The following HS2ST1 variants were observed in gnomAD, a reference collection of about 807,000 sequenced individuals.
HS2ST1 encodes 2-O-sulfotransferase.
A neutral mutation model predicts 42.9 loss-of-function variants in HS2ST1; 18 were observed. The ratio of observed to expected loss-of-function variants is 0.42; its 90% CI spans 0.29 to 0.62. The LOEUF is 0.62. Ranked by LOEUF, HS2ST1 falls within the 20% of genes least tolerant of loss-of-function variation. The pLI, the probability that HS2ST1 is intolerant of heterozygous loss-of-function variation, is 0.21. For missense variants in HS2ST1, 334 were observed against 433.8 expected (o/e 0.77, Z 2.04); for synonymous variants, 146 against 152.9 (o/e 0.95, Z 0.33).
intron 1 of HS2ST1, among the ~76,000 whole-genome samples, chr1:86,957,022 A>G (rs1647696116): frequency 6.6e-6 from 1 of 152,216 alleles, no homozygotes; most frequent in African/African-American, 2.4e-5. Context: ...AAGACCTGTC[A>G]TATTTTGTAC....
At chr1:87,035,898 G>A (rs929461920) in intron 1 of HS2ST1, among the ~76,000 whole-genome samples, 3 of 151,080 alleles carry the variant, frequency 2.0e-5, no homozygotes, top group Admixed American at 6.6e-5. Context: ...AAGTATACAC[G>A]TGCCATGGTG....
chr1:87,009,368 C>T (rs889795030), intron 1 of HS2ST1, among the ~76,000 whole-genome samples: 1 of 152,114 alleles, frequency 6.6e-6, no homozygotes, highest in African/African-American at 2.4e-5. Flanking sequence ...GAAGAGATTT[C>T]CAAGAAAATG....
Position 86,923,035 on chromosome 1 carries a change from G to A in HS2ST1, c.124+7875G>A, listed in dbSNP as rs114123454. Among the ~76,000 whole-genome samples the A allele has an allele frequency of 5.4e-3, 815 of 152,284 alleles. 10 individuals are homozygous for A. Among genetic ancestry groups the A allele is most frequent in the African/African-American group, 0.019 (773 of 41,550 alleles). On this transcript the variant is annotated intron_variant, in intron 1 of 6. Coordinates refer to ENST00000370550, the MANE Select transcript of HS2ST1 (RefSeq NM_012262.4). ...ATTCTCAGTCTTTTTGTGTGTGTGT[G>A]TGTTGTTTTAGATAGTTTTTACTGC... is the stretch of plus-strand genomic sequence containing the variant.
At chr1:87,078,011 T>G (rs1340535886) in intron 2 of HS2ST1, among the ~76,000 whole-genome samples, 1 of 152,204 alleles carries the variant, frequency 6.6e-6, no homozygotes, top group Non-Finnish European at 1.5e-5. Flanking sequence ...TGTAGAAAAC[T>G]TTCTCCCTGG....
At chr1:87,058,216 A>C (rs1257756590) in intron 1 of HS2ST1, among the ~76,000 whole-genome samples, 1 of 151,644 alleles carries the variant, frequency 6.6e-6, no homozygotes, top group Non-Finnish European at 1.5e-5. Flanking sequence ...TGCAACCTCT[A>C]TATGAGTATC....
At chr1:87,085,749 G>A (rs1651802946) in intron 3 of HS2ST1, among the ~76,000 whole-genome samples, 1 of 152,082 alleles carries the variant, frequency 6.6e-6, no homozygotes, top group Admixed American at 6.5e-5. Flanking sequence ...TCCACACACA[G>A]CTTGGTTTCT....
At chr1:86,999,330 C>T (rs576359557) in intron 1 of HS2ST1, among the ~76,000 whole-genome samples, 179 of 152,208 alleles carry the variant, frequency 1.2e-3, no homozygotes, top group African/African-American at 3.9e-3. Flanking sequence ...AGGCATGCAC[C>T]GCCATGCCCA....
intron 1 of HS2ST1, among the ~76,000 whole-genome samples, chr1:86,917,257 G>A (rs1288122454): frequency 6.6e-6 from 1 of 152,126 alleles, no homozygotes; most frequent in Non-Finnish European, 1.5e-5. Context: ...GGTGGCTCAC[G>A]CCTGTAATCC....
chr1:87,070,604 A>G (rs1245729923), intron 1 of HS2ST1, among the ~76,000 whole-genome samples: 1 of 152,132 alleles, frequency 6.6e-6, no homozygotes. Context: ...AAAAATAATA[A>G]TAATGTTCAT....
chr1:87,061,779 G>T (rs1651126970), intron 1 of HS2ST1, among the ~76,000 whole-genome samples: 1 of 151,998 alleles, frequency 6.6e-6, no homozygotes, highest in African/African-American at 2.4e-5. Context: ...GAGGTATTTG[G>T]TAATTCTGTT....
chr1:87,081,994 GA>G (rs11377056), intron 2 of HS2ST1, among the ~76,000 whole-genome samples: 7 of 145,392 alleles, frequency 4.8e-5, no homozygotes, highest in Non-Finnish European at 7.6e-5. Context: ...AGAAAAAAAA[GA>G]AAAAAAAAGA....
At chr1:87,042,181 T>C (rs983943548) in intron 1 of HS2ST1, among the ~76,000 whole-genome samples, 10 of 152,178 alleles carry the variant, frequency 6.6e-5, no homozygotes, top group Non-Finnish European at 1.3e-4. Context: ...TTTGGAGTTT[T>C]TTGCTATTGA....
intron 1 of HS2ST1, among the ~76,000 whole-genome samples, chr1:87,058,777 G>A (rs6684654): frequency 0.089 from 13,409 of 151,424 alleles, 1,859 homozygotes; most frequent in African/African-American, 0.27. Context: ...AACATGAACC[G>A]TTGGCTGGGT....
chr1:86,989,566 A>G (rs1648884150), intron 1 of HS2ST1, among the ~76,000 whole-genome samples: 1 of 152,196 alleles, frequency 6.6e-6, no homozygotes, highest in African/African-American at 2.4e-5. Context: ...CAAATTCAGG[A>G]GAACTTATTT....
chr1:87,063,651 T>C (rs937250317), intron 1 of HS2ST1, among the ~76,000 whole-genome samples: 1 of 152,164 alleles, frequency 6.6e-6, no homozygotes, highest in Non-Finnish European at 1.5e-5. Flanking sequence ...TTTTTTTGTA[T>C]CTTCATTTTC....
At chr1:87,090,581 A>G (rs1470746443) in intron 3 of HS2ST1, among the ~76,000 whole-genome samples, 1 of 152,046 alleles carries the variant, frequency 6.6e-6, no homozygotes, top group Non-Finnish European at 1.5e-5. Flanking sequence ...AAGAGAGGTC[A>G]CAAGATTTTG....
intron 1 of HS2ST1, chr1:86,935,014 A>G (rs552273361): frequency 2.7e-4 from 41 of 151,420 alleles, no homozygotes; most frequent in African/African-American, 9.9e-4. Flanking sequence ...ATGACTTCCA[A>G]GCTCTGTCCA....
In HS2ST1 at chr1:86,914,696, A is replaced by T. The variant is rs1202119788; in HGVS notation, c.-341A>T. The T allele has an allele frequency of 3.6e-6, 1 of 277,490 alleles. No homozygotes were observed. The highest frequency in any genetic ancestry group is 6.9e-6 in the Non-Finnish European group (1 of 144,904). 17.2% of individuals were successfully genotyped at this position (277,490 alleles called of 1,614,324 possible). On this transcript the variant is annotated 5_prime_UTR_variant, in exon 1 of 7. In the 5' UTR this introduces an upstream ATG that the reference lacks. Coordinates refer to ENST00000370550, the MANE Select transcript of HS2ST1 (RefSeq NM_012262.4). The stretch of plus-strand genomic sequence containing the variant: ...AGCAAAGGAGGGAGGGAAGGAAGGA[A>T]GAGAGGGAGGCGGGCAAGCAGGCGG...
chr1:86,918,057 A>G (rs1185334976), intron 1 of HS2ST1, among the ~76,000 whole-genome samples: 1 of 152,212 alleles, frequency 6.6e-6, no homozygotes, highest in Non-Finnish European at 1.5e-5. Context: ...TCATTGTAGA[A>G]GATTCCAAAG....
Sources: gnomAD v4.1 joint callset for allele counts (sites outside exome capture counted in the v4.1 genomes callset) on GRCh38, gnomAD v4.1.1 for gene constraint, MANE v1.5 for transcripts, NCBI Gene and HGNC (gene_info 2026-07-23, HGNC 2026-07-21) for gene names.